The following STIL variants were observed in gnomAD, a reference collection of about 807,000 sequenced individuals.
The protein encoded by STIL is STIL centriolar assembly protein, also known as SCL-interrupting locus protein.
STIL carries 55 observed loss-of-function variants against 110.1 expected under a neutral mutation model. The ratio of observed to expected loss-of-function variants is 0.50; its 90% CI spans 0.40 to 0.63. STIL has a LOEUF of 0.63. Among genes scored for constraint, STIL ranks in the 20% least tolerant of loss-of-function variants. The pLI is 0.00. For synonymous variants in STIL, 481 were observed against 530.0 expected (o/e 0.91, Z 1.27); for missense variants, 1,358 against 1,530.0 (o/e 0.89, Z 1.87).
At chr1:47,302,040 T>C (rs1192294468) in intron 4 of STIL, among the ~76,000 whole-genome samples, 194 bp downstream of exon 4, 2 of 152,136 alleles carry the variant, frequency 1.3e-5, no homozygotes, top group Admixed American at 6.6e-5. Flanking sequence ...GCAAATACAA[T>C]AGTTGGCCGA....
chr1:47,285,682 T>G (rs1182752038), intron 10 of STIL, among the ~76,000 whole-genome samples: 1 of 151,936 alleles, frequency 6.6e-6, no homozygotes, highest in East Asian at 1.9e-4. Context: ...GGTCTCCAAG[T>G]CCCGAGACTC....
chr1:47,283,628 T>A (rs1202659198), intron 10 of STIL: 1 of 152,162 alleles, frequency 6.6e-6, no homozygotes, highest in Non-Finnish European at 1.5e-5. Context: ...TCACCAGTAC[T>A]GGCATACCAT....
chr1:47,291,811 C>A (rs944385391), intron 8 of STIL, among the ~76,000 whole-genome samples: 2 of 152,108 alleles, frequency 1.3e-5, no homozygotes, highest in African/African-American at 4.8e-5. Flanking sequence ...AGTGATCCAC[C>A]CGCCTTGGCC....
intron 5 of STIL, 24 bp downstream of exon 5, chr1:47,301,537 T>G (rs369965821): frequency 6.3e-5 from 101 of 1,602,094 alleles, no homozygotes; most frequent in Non-Finnish European, 8.5e-5. Flanking sequence ...TTGAATTAAC[T>G]ATCAAGTTGT....
chr1:47,304,472 A>G (rs1053627790), intron 3 of STIL, among the ~76,000 whole-genome samples: 1 of 152,182 alleles, frequency 6.6e-6, no homozygotes, highest in African/African-American at 2.4e-5. Context: ...ACCTCAATAG[A>G]TCTATTTTCT....
chr1:47,299,784 T>G (rs1645749686), intron 6 of STIL, 121 bp downstream of exon 6: 1 of 1,073,498 alleles, frequency 9.3e-7, no homozygotes, highest in African/African-American at 1.6e-5. Context: ...TTTCCCTGGT[T>G]ATTAACCAAG....
intron 16 of STIL, 75 bp from the exon 17 acceptor site, chr1:47,251,997 A>G: frequency 6.9e-7 from 1 of 1,454,914 alleles, no homozygotes; most frequent in South Asian, 1.3e-5. Context: ...GTTCCATTCT[A>G]TACAAGCAAC....
rs772687848 is a variant in STIL at position 47,280,837 on chromosome 1, CTGTT to C, written c.1617_1620del (p.Thr540PhefsTer13). ...TCGTTTTGTACATTTCCAGCAGAAA[CTGTT>C]TGGAGCTTTTCAAATATATCATGAG... On this transcript the variant is annotated frameshift_variant, in exon 12 of 17. Coordinates refer to ENST00000371877, the MANE Select transcript of STIL (RefSeq NM_001048166.1). LOFTEE classifies it high-confidence loss of function. The C allele has an allele frequency of 6.2e-7, 1 of 1,614,132 alleles. No individual in the cohort carries two copies. The highest frequency in any genetic ancestry group is 1.1e-5 in the South Asian group (1 of 91,080).
At chr1:47,270,255 T>TACACACACACACAC (rs56253074) in intron 13 of STIL, among the ~76,000 whole-genome samples, 6 of 119,406 alleles carry the variant, frequency 5.0e-5, no homozygotes, top group Non-Finnish European at 8.1e-5. Flanking sequence ...TATATATATA[T>TACACACACACACAC]ACACACACAC....
chr1:47,260,652 C>T lies in STIL; in HGVS notation c.2830-113G>A, dbSNP rs540520514. 3,628 of 1,145,894 alleles carry T rather than the reference C, an allele frequency of 3.2e-3. 11 individuals are homozygous for T. The highest frequency in any genetic ancestry group is 4.2e-3 in the Non-Finnish European group (3,328 of 789,268). The allele number at this position is 1,145,894 out of a possible 1,614,324, so 71.0% of individuals were successfully genotyped here. ...CTTTGGGAAGCCAAGGCAGGAAGAT[C>T]GCTTGAGCCCAGGAGTTTAAGACCC... On this transcript the variant is annotated intron_variant, in intron 15 of 16. Transcript: ENST00000371877.
intron 13 of STIL, 123 bp from the exon 14 acceptor site, chr1:47,269,989 C>G: frequency 1.1e-6 from 1 of 894,368 alleles, no homozygotes; most frequent in Non-Finnish European, 1.8e-6. Flanking sequence ...ATAATCCCAA[C>G]ACTTTGAGAG....
Position 47,282,356 on chromosome 1 carries a change from C to A in STIL, c.1237G>T (p.Val413Leu). 2.5e-6 allele frequency: 4 copies of A among 1,609,878 alleles called. No individual in the cohort carries two copies. The highest frequency in any genetic ancestry group is 3.4e-6 in the Non-Finnish European group (4 of 1,177,256). ...AAAATCAGTGATACCTTCTGACTCACTGGATGAGGACTAGGAATTGGTCTT... is the reference window on the plus strand; with the variant it reads ...AAAATCAGTGATACCTTCTGACTCAATGGATGAGGACTAGGAATTGGTCTT... Reference protein sequence around the residue: ...SPRPIPSPHPVSQKISKIQPS... With the variant: ...SPRPIPSPHPLSQKISKIQPS... Residue 413 changes from valine (V) to leucine (L), a missense_variant, in exon 11 of 17, where the codon GTG (valine) becomes TTG (leucine). Val to Leu is a conservative substitution (Grantham distance 32, BLOSUM62 1). Transcript: ENST00000371877.
At chr1:47,265,245 A>AAAAAAAC (rs1553170546) in intron 14 of STIL, among the ~76,000 whole-genome samples, 1 of 150,232 alleles carries the variant, frequency 6.7e-6, no homozygotes, top group Non-Finnish European at 1.5e-5. Context: ...CCCAAAAAAA[A>AAAAAAAC]AAAAAAAAAA....
intron 16 of STIL, among the ~76,000 whole-genome samples, chr1:47,254,180 C>CAAAA (rs59259774): frequency 0.012 from 710 of 61,386 alleles, 27 homozygotes; most frequent in African/African-American, 0.023. Flanking sequence ...GACTCTGTCT[C>CAAAA]AAAAAAAAAA....
rs771828257 is a variant in STIL, at chr1:47,251,230, T to C, written c.3773A>G (p.Gln1258Arg). The C allele has an allele frequency of 1.2e-6, 2 of 1,611,430 alleles. No individual in the cohort carries two copies. The highest frequency in any genetic ancestry group is 3.4e-5 in the Admixed American group (2 of 59,662). ...CATCTGCTTTAGCGTTTCAGAAGGTTGCAAACTTTCAGGAAAAATTGTAAT... is the reference window on the plus strand; with the variant it reads ...CATCTGCTTTAGCGTTTCAGAAGGTCGCAAACTTTCAGGAAAAATTGTAAT... ...GDITIFPESL[Q>R]PSETLKQMNS... Residue 1258 changes from glutamine to arginine, a missense_variant, in exon 17 of 17, where the codon CAA becomes CGA. Gln to Arg is a conservative substitution (Grantham distance 43). Coordinates refer to ENST00000371877, the MANE Select transcript of STIL (RefSeq NM_001048166.1).
chr1:47,283,891 T>C (rs1452337321), intron 10 of STIL: 1 of 145,256 alleles, frequency 6.9e-6, no homozygotes, highest in Non-Finnish European at 1.5e-5. Flanking sequence ...ATTTCTTAGC[T>C]TTTTTTTTTG....
At chr1:47,266,610 G>A (rs1644661309) in intron 14 of STIL, among the ~76,000 whole-genome samples, 1 of 152,088 alleles carries the variant, frequency 6.6e-6, no homozygotes, top group Non-Finnish European at 1.5e-5. Context: ...TCTTTAAACT[G>A]TTTCATGTGC....
At position 47,287,641 on chromosome 1, in the gene STIL, T is replaced by C; in HGVS notation, c.1043A>G (p.Lys348Arg). The C allele has an allele frequency of 4.3e-6, 7 of 1,613,604 alleles. No homozygotes were observed. Among genetic ancestry groups the C allele is most frequent in the Non-Finnish European group, 5.9e-6 (7 of 1,179,696 alleles). ...HLFKNVEPPD[K>R]NPIRCELSAE... ...GCTCAGTTCACAACGGATTGGATTT[T>C]TGTCAGGAGGTTCAACATTCTGAAA... The change falls in exon 10 of 17, where the codon AAA (lysine) becomes AGA (arginine). Residue 348 changes from lysine (K) to arginine (R), a missense_variant. By Grantham distance (26) the Lys-to-Arg change is conservative. Coordinates refer to ENST00000371877, the MANE Select transcript of STIL (RefSeq NM_001048166.1).
rs766356137 is a variant in STIL, at chr1:47,281,140, G to C, written c.1318C>G (p.Pro440Ala). ...ACCATTTCCAATGGAGTAGGCAGAG[G>C]GTTTGATTCTATGAAATTGCCATCC... is the stretch of plus-strand genomic sequence containing the variant. ...VLDGNFIESN[P>A]LPTPLEMVNN... The change falls in exon 12 of 17, where the codon CCT (proline) becomes GCT (alanine). Residue 440 changes from proline to alanine, a missense_variant. By Grantham distance (27) the Pro-to-Ala change is conservative (BLOSUM62 -1). Coordinates refer to ENST00000371877, the MANE Select transcript of STIL (RefSeq NM_001048166.1). 7 of 1,613,782 alleles carry C rather than the reference G, an allele frequency of 4.3e-6. No homozygotes were observed. Among genetic ancestry groups the C allele is most frequent in the Non-Finnish European group, 5.9e-6 (7 of 1,179,990 alleles).
Sources: gnomAD v4.1 joint callset for allele counts (sites outside exome capture counted in the v4.1 genomes callset) on GRCh38, gnomAD v4.1.1 for gene constraint, MANE v1.5 for transcripts, NCBI Gene and HGNC (gene_info 2026-07-23, HGNC 2026-07-21) for gene names.